NFIX: variants seen among roughly 807,000 people sequenced by gnomAD.
NFIX encodes nuclear factor I X.
In NFIX, 2 loss-of-function variants were observed where a neutral mutation model predicts 53.3. That is an observed-to-expected ratio of 0.04 (90% CI 0.02 to 0.12). The LOEUF is 0.12. Among genes scored for constraint, NFIX ranks in the 10% least tolerant of loss-of-function variants. NFIX has a pLI of 1.00. For missense variants in NFIX, 310 were observed against 674.5 expected, an observed-to-expected ratio of 0.46 and a Z score of 5.99; for synonymous variants, 244 against 289.0, an observed-to-expected ratio of 0.84 and a Z score of 1.58.
Position 13,078,838 on chromosome 19 carries a change from C to T in NFIX, c.1078+103C>T. The T allele has an allele frequency of 3.0e-6, 4 of 1,328,970 alleles. No individual in the cohort carries two copies. The highest frequency in any genetic ancestry group is 2.6e-5 in the Admixed American group (1 of 39,102). 82.3% of individuals were successfully genotyped at this position (1,328,970 alleles called of 1,614,324 possible). A position where few individuals can be genotyped will look rare whatever the true frequency, so the allele number is the denominator to read the frequency against. ...GCCAGAGCTGACCCCGAGTGACAGC[C>T]CCACGCTCTCCAAGTGGGCCAAGGT... On this transcript the variant is annotated intron_variant, in intron 7 of 10. Coordinates refer to ENST00000592199, the MANE Select transcript of NFIX (RefSeq NM_001365902.3). The surrounding 1 kb of genome is among the most constrained non-coding windows in gnomAD (Gnocchi z 4.7).
In NFIX at chr19:13,005,105, C is replaced by A. The variant is rs904536152; in HGVS notation, c.27+9241C>A. ...GTGCTGGGATTACAGGCGTGAGCCA[C>A]TGTGCCTGGCCAACAAAGCTAAGTT... On this transcript the variant is annotated intron_variant, in intron 1 of 10. Coordinates refer to ENST00000592199, the MANE Select transcript of NFIX (RefSeq NM_001365902.3). This position sits in a 1 kb window ranked among gnomAD's most constrained non-coding sequence, Gnocchi z 4.7. Among the ~76,000 whole-genome samples, 8 of 152,346 alleles carry A rather than the reference C, an allele frequency of 5.3e-5. No homozygotes were observed. The East Asian group carries it at 1.2e-3, about 22-fold the overall frequency.
At chr19:13,056,504 T>C (rs936393587) in intron 2 of NFIX, among the ~76,000 whole-genome samples, 11 of 152,154 alleles carry the variant, frequency 7.2e-5, no homozygotes, top group Admixed American at 2.0e-4. Flanking sequence ...TTAAAGGGTG[T>C]TAGGAGCACT....
rs1021561101 is a variant in NFIX at position 13,022,588 on chromosome 19, TA to T, written c.28-2432del. Among the ~76,000 whole-genome samples the T allele has an allele frequency of 1.2e-4, 17 of 146,100 alleles. No homozygotes were observed. Among genetic ancestry groups the T allele is most frequent in the Non-Finnish European group, 1.7e-4 (11 of 66,522 alleles). On this transcript the variant is annotated intron_variant, in intron 1 of 10. Transcript: ENST00000592199. The surrounding 1 kb of genome is among the most constrained non-coding windows in gnomAD (Gnocchi z 4.5). ...CTTCCACTCGCCCCTGTGTGCTCCATAGGAAGAAAAAAAAAAAGAAAGAAAG... is the reference window on the plus strand; with the variant it reads ...CTTCCACTCGCCCCTGTGTGCTCCATGGAAGAAAAAAAAAAAGAAAGAAAG...
Position 13,052,786 on chromosome 19 carries a change from G to A in NFIX, c.560-20261G>A, listed in dbSNP as rs993839463. 1.3e-5 allele frequency among the ~76,000 whole-genome samples: 2 copies of A among 152,276 alleles called. No individual in the cohort carries two copies. Among genetic ancestry groups the A allele is most frequent in the East Asian group, 3.9e-4 (2 of 5,180 alleles). On this transcript the variant is annotated intron_variant, in intron 2 of 10. Coordinates refer to ENST00000592199, the MANE Select transcript of NFIX (RefSeq NM_001365902.3). This position sits in a 1 kb window ranked among gnomAD's most constrained non-coding sequence, Gnocchi z 5.2. Reference sequence around the variant, plus strand: ...CGTGAGGTTGGCACCCCCTGCACCCGTCCACACACACAGACCAGAGGAGTG... The same window carrying A: ...CGTGAGGTTGGCACCCCCTGCACCCATCCACACACACAGACCAGAGGAGTG...
intron 2 of NFIX, chr19:13,071,051 A>T (rs2016745855): frequency 6.6e-6 from 1 of 152,326 alleles, no homozygotes; most frequent in African/African-American, 2.4e-5. Flanking sequence ...TCTTCCCCTG[A>T]TTCCACTGAT....
At chr19:13,074,939 G>A (rs928567780) in intron 5 of NFIX, among the ~76,000 whole-genome samples, 6 of 151,450 alleles carry the variant, frequency 4.0e-5, no homozygotes, top group African/African-American at 1.2e-4. Context: ...GCGTGGTGGT[G>A]GGCACCTGTA....
At chr19:12,999,641 G>A (rs951515160) in intron 1 of NFIX, among the ~76,000 whole-genome samples, 1 of 151,458 alleles carries the variant, frequency 6.6e-6, no homozygotes, top group African/African-American at 2.4e-5. Flanking sequence ...TCTCAGACAC[G>A]CAGCGACCTA....
At position 13,089,984 on chromosome 19, in the gene NFIX, A is replaced by G. The variant is rs1272609020; in HGVS notation, c.1403-315A>G. On this transcript the variant is annotated intron_variant, in intron 9 of 10. Transcript: ENST00000592199. This position sits in a 1 kb window ranked among gnomAD's most constrained non-coding sequence, Gnocchi z 4.8. The stretch of plus-strand genomic sequence containing the variant: ...GTCCAGGAGACTTGTCTCAGCCTCC[A>G]GGGCCTCTCCCTCATCCCAGCTGTG... 6.6e-6 allele frequency among the ~76,000 whole-genome samples: 1 copy of G among 152,170 alleles called. No homozygotes were observed. Among genetic ancestry groups the G allele is most frequent in the East Asian group, 1.9e-4 (1 of 5,192 alleles).
In NFIX at chr19:12,996,777, C is replaced by G. The variant is rs1334454828; in HGVS notation, c.27+913C>G. 6.6e-6 allele frequency among the ~76,000 whole-genome samples: 1 copy of G among 152,252 alleles called. No homozygotes were observed. The highest frequency in any genetic ancestry group is 2.4e-5 in the African/African-American group (1 of 41,474). ...ACCGTCGGGTCAGCCTCGGGCACAA[C>G]AGCGCCGACCTTGGCGCGTTGCTAG... is the stretch of plus-strand genomic sequence containing the variant. On this transcript the variant is annotated intron_variant, in intron 1 of 10. Transcript: ENST00000592199. The surrounding 1 kb of genome is among the most constrained non-coding windows in gnomAD (Gnocchi z 5.2).
chr19:13,046,260 G>C (rs2014973248), intron 2 of NFIX, among the ~76,000 whole-genome samples: 1 of 152,162 alleles, frequency 6.6e-6, no homozygotes, highest in South Asian at 2.1e-4. Flanking sequence ...TAGTCTGTGG[G>C]GCTGGGTGAG....
At chr19:13,019,280 A>G (rs1028849349) in intron 1 of NFIX, among the ~76,000 whole-genome samples, 1 of 152,152 alleles carries the variant, frequency 6.6e-6, no homozygotes, top group Non-Finnish European at 1.5e-5. Flanking sequence ...AATTTTTAAC[A>G]CTGTATATGT....
Position 13,009,621 on chromosome 19 carries a change from T to C in NFIX, c.27+13757T>C, listed in dbSNP as rs1376296797. On this transcript the variant is annotated intron_variant, in intron 1 of 10. Coordinates refer to ENST00000592199, the MANE Select transcript of NFIX (RefSeq NM_001365902.3). This position sits in a 1 kb window ranked among gnomAD's most constrained non-coding sequence, Gnocchi z 4.7. Reference sequence around the variant, plus strand: ...AGAGCAAGAAACAGGAGGAAGAGGCTTCCTGATTCCCCGCTTAAGGGTGTT... The same window carrying C: ...AGAGCAAGAAACAGGAGGAAGAGGCCTCCTGATTCCCCGCTTAAGGGTGTT... Among the ~76,000 whole-genome samples, 2 of 152,234 alleles carry C rather than the reference T, an allele frequency of 1.3e-5. No homozygotes were observed. Among genetic ancestry groups the C allele is most frequent in the Non-Finnish European group, 2.9e-5 (2 of 68,040 alleles).
chr19:13,040,798 A>G lies in NFIX; in HGVS notation c.559+15246A>G, dbSNP rs1041793548. On this transcript the variant is annotated intron_variant, in intron 2 of 10. Transcript: ENST00000592199. The surrounding 1 kb of genome is among the most constrained non-coding windows in gnomAD (Gnocchi z 4.2). The stretch of plus-strand genomic sequence containing the variant: ...CACACACAGCCACTTCTCGAAGCAG[A>G]TCTTAAAGTTGATTCTGCTGCCGCT... Among the ~76,000 whole-genome samples the G allele has an allele frequency of 2.6e-5, 4 of 152,180 alleles. No homozygotes were observed. Among genetic ancestry groups the G allele is most frequent in the Non-Finnish European group, 4.4e-5 (3 of 68,036 alleles).
intron 2 of NFIX, among the ~76,000 whole-genome samples, chr19:13,047,593 T>C (rs1371786955): frequency 3.3e-5 from 5 of 152,114 alleles, no homozygotes; most frequent in African/African-American, 1.2e-4. Context: ...CCAGAAACCA[T>C]TGAGTGGTGC....
chr19:13,073,020 C>T lies in NFIX; in HGVS notation c.560-27C>T, dbSNP rs1297239454. ...CTTATGGGGAACTTTGCTCCTGATA[C>T]ATTCTCCCCTTTTGTGTCTCCTGCA... is the stretch of plus-strand genomic sequence containing the variant. On this transcript the variant is annotated intron_variant, in intron 2 of 10. Coordinates refer to ENST00000592199, the MANE Select transcript of NFIX (RefSeq NM_001365902.3). The surrounding 1 kb of genome is among the most constrained non-coding windows in gnomAD (Gnocchi z 4.5). 1.2e-6 allele frequency: 2 copies of T among 1,611,072 alleles called. No homozygotes were observed. The highest frequency in any genetic ancestry group is 2.7e-5 in the African/African-American group (2 of 74,858).
chr19:13,087,411 A>G (rs1203116479), intron 8 of NFIX, among the ~76,000 whole-genome samples: 1 of 151,996 alleles, frequency 6.6e-6, no homozygotes, highest in East Asian at 1.9e-4. Context: ...GCACCCTACC[A>G]CCCACAGGCA....
rs138323791 is a variant in NFIX, at chr19:13,012,699, G to A, written c.28-12322G>A. Among the ~76,000 whole-genome samples, 1,156 of 152,352 alleles carry A rather than the reference G, an allele frequency of 7.6e-3. 13 individuals are homozygous for A. Among genetic ancestry groups the A allele is most frequent in the African/African-American group, 0.027 (1,114 of 41,582 alleles). On this transcript the variant is annotated intron_variant, in intron 1 of 10. Transcript: ENST00000592199. This position sits in a 1 kb window ranked among gnomAD's most constrained non-coding sequence, Gnocchi z 5.0. ...GCGTTGGAGGGCTTTGGCCGTGAAT[G>A]CGATGTTGATGATTGCTGTGATTCT... is the stretch of plus-strand genomic sequence containing the variant.
chr19:13,073,147 C>T lies in NFIX; in HGVS notation c.622+38C>T. ...CACCTGCCCAGCTGCCCTTATCCTT[C>T]ATGCCCCTCCACTTCCTTCCCCCAC... On this transcript the variant is annotated intron_variant, in intron 3 of 10. Coordinates refer to ENST00000592199, the MANE Select transcript of NFIX (RefSeq NM_001365902.3). This position sits in a 1 kb window ranked among gnomAD's most constrained non-coding sequence, Gnocchi z 4.5. 1 of 1,600,504 alleles carries T rather than the reference C, an allele frequency of 6.2e-7. No homozygotes were observed. Among genetic ancestry groups the T allele is most frequent in the Non-Finnish European group, 8.6e-7 (1 of 1,167,546 alleles).
chr19:13,080,647 C>T (rs8111617), intron 7 of NFIX, among the ~76,000 whole-genome samples: 72,624 of 151,708 alleles, frequency 0.48, 19,968 homozygotes, highest in African/African-American at 0.74. Context: ...GAGGCTGCAG[C>T]GAGCTGTGAT....
Sources: allele counts gnomAD v4.1 joint callset (sites outside exome capture counted in the v4.1 genomes callset), GRCh38; gene constraint gnomAD v4.1.1; non-coding constraint Gnocchi (gnomAD v3.1); transcripts MANE v1.5; gene names NCBI Gene and HGNC (gene_info 2026-07-23, HGNC 2026-07-21).